Variants in FOXK2 observed in about 807,000 individuals in gnomAD.
FOXK2 encodes the protein forkhead box protein K2.
FOXK2 carries 24 observed loss-of-function variants against 53.3 expected under a neutral mutation model. The ratio of observed to expected loss-of-function variants is 0.45; its 90% CI spans 0.33 to 0.63. The LOEUF (loss-of-function observed/expected upper bound fraction) is 0.63, where lower values mean the gene tolerates loss of function less well. FOXK2 is among the 30% of genes least tolerant of loss of function. The probability of loss-of-function intolerance (pLI) is 0.03; values close to 1 mark genes in which losing one functional copy is unlikely to be tolerated. For missense variants in FOXK2, 952 were observed against 910.5 expected (o/e 1.05, Z -0.59); for synonymous variants, 505 against 407.1 (o/e 1.24, Z -2.89).
At chr17:82,600,872 C>CTCTT in intron 8 of FOXK2, 1 of 167,570 alleles carries the variant, frequency 6.0e-6, no homozygotes, top group South Asian at 1.5e-4. Context: ...AGGGCCTCCG[C>CTCTT]ATGAGGGAGA....
At position 82,582,911 on chromosome 17, in the gene FOXK2, C is replaced by G; in HGVS notation, c.1080C>G (p.Thr360=). 6.3e-7 allele frequency: 1 copy of G among 1,594,862 alleles called. No homozygotes were observed. The highest frequency in any genetic ancestry group is 1.1e-5 in the South Asian group (1 of 87,132). Residue 360 remains threonine (T), a synonymous_variant, in exon 5 of 9, where the codon ACC becomes ACG. Coordinates refer to ENST00000335255, the MANE Select transcript of FOXK2 (RefSeq NM_004514.4). ...RRPRGVPCFR[T]PLGPLSSRSA... ...CTAGGGGCGTGCCCTGCTTTAGAAC[C>G]CCTCTGGGACCGCTCTCTTCTAGGT...
chr17:82,570,493 CAGAAA>C (rs1184340680), intron 3 of FOXK2, among the ~76,000 whole-genome samples: 1 of 152,096 alleles, frequency 6.6e-6, no homozygotes, highest in Non-Finnish European at 1.5e-5. Context: ...ACCGTGTCCC[CAGAAA>C]AGAAAAGACA....
At chr17:82,548,161 G>A (rs1403304962) in intron 1 of FOXK2, among the ~76,000 whole-genome samples, 1 of 152,198 alleles carries the variant, frequency 6.6e-6, no homozygotes, top group Non-Finnish European at 1.5e-5. Context: ...AAGTACGAGT[G>A]GTGGGGCCAG....
intron 4 of FOXK2, 118 bp downstream of exon 4, chr17:82,571,988 C>T: frequency 9.9e-7 from 1 of 1,012,654 alleles, no homozygotes; most frequent in Non-Finnish European, 1.4e-6. Context: ...GTTGGAGCCT[C>T]CCGTGCTGAG....
At chr17:82,580,935 A>G (rs9910322) in intron 4 of FOXK2, among the ~76,000 whole-genome samples, 60,922 of 144,784 alleles carry the variant, frequency 0.42, 13,590 homozygotes, top group South Asian at 0.54. Context: ...TCTCCATGTC[A>G]CCCGTGAAGT....
intron 1 of FOXK2, among the ~76,000 whole-genome samples, chr17:82,529,428 C>T (rs1344934815): frequency 3.4e-5 from 5 of 147,816 alleles, no homozygotes; most frequent in East Asian, 2.0e-4. Flanking sequence ...TCTGCTCTGT[C>T]GTCCAGGCTG....
chr17:82,590,095 C>T lies in FOXK2; in HGVS notation c.1786+2823C>T, dbSNP rs575175169. 7.2e-5 allele frequency among the ~76,000 whole-genome samples: 11 copies of T among 151,948 alleles called. 1 individual carries two copies. The South Asian group carries it at 1.2e-3, about 17-fold the overall frequency. ...CACCAGTATTTCCTATTATTGCTTTCATGCTCCATCCCATAGTTTTCATCC... is the reference window on the plus strand; with the variant it reads ...CACCAGTATTTCCTATTATTGCTTTTATGCTCCATCCCATAGTTTTCATCC... On this transcript the variant is annotated intron_variant, in intron 8 of 8. Coordinates refer to ENST00000335255, the MANE Select transcript of FOXK2 (RefSeq NM_004514.4).
At chr17:82,527,110 A>G (rs941120768) in intron 1 of FOXK2, among the ~76,000 whole-genome samples, 1 of 152,118 alleles carries the variant, frequency 6.6e-6, no homozygotes, top group African/African-American at 2.4e-5. Context: ...AGGAGTTGGC[A>G]TGTGTTGGCA....
At chr17:82,533,640 A>T (rs924062211) in intron 1 of FOXK2, among the ~76,000 whole-genome samples, 1 of 152,164 alleles carries the variant, frequency 6.6e-6, no homozygotes, top group African/African-American at 2.4e-5. Context: ...CCCCAGACTC[A>T]TGAGTAATTC....
rs533082661 is a variant in FOXK2, at chr17:82,534,789, T to C, written c.419+14482T>C. On this transcript the variant is annotated intron_variant, in intron 1 of 8. Transcript: ENST00000335255. ...CCCCAGAAGTAATATTTATTTTCCA[T>C]GGATCTTTTATCTTGTTCTCTCTTA... 2.0e-5 allele frequency among the ~76,000 whole-genome samples: 3 copies of C among 152,360 alleles called. No individual in the cohort carries two copies. The South Asian group carries it at 6.2e-4, about 32-fold the overall frequency.
chr17:82,524,447 G>T (rs1322564017), intron 1 of FOXK2, among the ~76,000 whole-genome samples: 1 of 152,144 alleles, frequency 6.6e-6, no homozygotes, highest in Non-Finnish European at 1.5e-5. Context: ...TAATGTGGGG[G>T]AAGAGAGAAA....
rs764065641 is a variant in FOXK2 at position 82,563,514 on chromosome 17, A to T, written c.580A>T (p.Ile194Phe). 15 of 1,613,798 alleles carry T rather than the reference A, an allele frequency of 9.3e-6. No homozygotes were observed. The highest frequency in any genetic ancestry group is 1.2e-5 in the Non-Finnish European group (14 of 1,179,926). ...CATTCCAGACACCATGGCCCACCTC[A>T]TCAGCCCTCTGCCCTCCCCCACGGG... ...INIPDTMAHL[I>F]SPLPSPTGTI... The change falls in exon 2 of 9, where the codon ATC becomes TTC. Residue 194 changes from isoleucine (I) to phenylalanine (F), a missense_variant. By Grantham distance (21) the Ile-to-Phe change is conservative. This residue lies in a region of FOXK2 where 76 missense variants were observed against 128.2 expected (regional missense o/e 0.59). Coordinates refer to ENST00000335255, the MANE Select transcript of FOXK2 (RefSeq NM_004514.4).
chr17:82,577,118 C>T (rs963528736), intron 4 of FOXK2: 19 of 566,428 alleles, frequency 3.4e-5, no homozygotes, highest in Admixed American at 2.9e-4. Context: ...GCTGATACCG[C>T]GTCATTGCAC....
intron 1 of FOXK2, among the ~76,000 whole-genome samples, chr17:82,551,945 G>A (rs529566494): frequency 6.6e-6 from 1 of 152,346 alleles, no homozygotes; most frequent in South Asian, 2.1e-4. Flanking sequence ...CCTTTCTGGG[G>A]CAGGTCCTTG....
intron 1 of FOXK2, among the ~76,000 whole-genome samples, chr17:82,524,132 G>A (rs1232118441): frequency 6.6e-6 from 1 of 151,318 alleles, no homozygotes. Flanking sequence ...CAGGTGATCC[G>A]TCCCGCCTCC....
At chr17:82,530,018 C>G (rs138353079) in intron 1 of FOXK2, among the ~76,000 whole-genome samples, 60 of 152,284 alleles carry the variant, frequency 3.9e-4, no homozygotes, top group Admixed American at 1.8e-3. Flanking sequence ...CTGAATTGTT[C>G]CAGTTTTTTG....
chr17:82,573,560 TCTCACACACACACACACACACA>T (rs1306927882), intron 4 of FOXK2, among the ~76,000 whole-genome samples: 12 of 101,886 alleles, frequency 1.2e-4, no homozygotes, highest in South Asian at 7.4e-4. Flanking sequence ...TCTCTCTCTC[TCTCACACACACACACACACACA>T]CACACACACA....
At chr17:82,578,457 A>C (rs2143072753) in intron 4 of FOXK2, 1 of 152,348 alleles carries the variant, frequency 6.6e-6, no homozygotes, top group East Asian at 1.9e-4. Flanking sequence ...AAAATTTCTG[A>C]ATCATTAGAG....
chr17:82,597,420 T>A (rs2045325865), intron 8 of FOXK2, among the ~76,000 whole-genome samples: 1 of 152,104 alleles, frequency 6.6e-6, no homozygotes, highest in Non-Finnish European at 1.5e-5. Context: ...GGCTGCTCCC[T>A]CCCCAGCTCC....
Sources: allele counts gnomAD v4.1 joint callset (sites outside exome capture counted in the v4.1 genomes callset), GRCh38; gene constraint gnomAD v4.1.1; regional missense constraint gnomAD v4.1.1; transcripts MANE v1.5; gene names NCBI Gene and HGNC (gene_info 2026-07-23, HGNC 2026-07-21).